The following PHF14 variants were observed in gnomAD, a reference collection of about 807,000 sequenced individuals.
The protein encoded by PHF14 is PHD finger protein 14.
Under a neutral mutation model 117.9 loss-of-function variants are expected in PHF14, and 55 were observed. That is an observed-to-expected ratio of 0.47 (90% confidence interval 0.38 to 0.58). PHF14 has a LOEUF of 0.58. PHF14 is among the 20% of genes least tolerant of loss of function. The pLI, the probability that PHF14 is intolerant of heterozygous loss-of-function variation, is 0.00. For synonymous variants in PHF14, 409 were observed against 368.6 expected, an observed-to-expected ratio of 1.11 and a Z score of -1.26; for missense variants, 978 against 1,122.2, an observed-to-expected ratio of 0.87 and a Z score of 1.84.
At chr7:11,044,422 G>A (rs1023852970) in intron 13 of PHF14, among the ~76,000 whole-genome samples, 2 of 152,236 alleles carry the variant, frequency 1.3e-5, no homozygotes, top group South Asian at 2.1e-4. Context: ...TTTCATTGTT[G>A]TTAGTGGTTT....
chr7:11,085,193 C>T (rs1786340607), intron 16 of PHF14, among the ~76,000 whole-genome samples: 1 of 152,192 alleles, frequency 6.6e-6, no homozygotes, highest in South Asian at 2.1e-4. Flanking sequence ...TACAGTTTTG[C>T]TTGACATGTT....
At chr7:11,139,293 A>G (rs938300885) in intron 17 of PHF14, among the ~76,000 whole-genome samples, 2 of 152,204 alleles carry the variant, frequency 1.3e-5, no homozygotes, top group Admixed American at 6.5e-5. Flanking sequence ...GCATTCATCT[A>G]TCTTTCACCA....
chr7:10,988,802 G>A (rs571189639), intron 3 of PHF14, among the ~76,000 whole-genome samples: 28 of 152,138 alleles, frequency 1.8e-4, no homozygotes, highest in Middle Eastern at 6.8e-3. Context: ...GCCATATATT[G>A]TTAATTCTTA....
rs114600074 is a variant in PHF14 at position 11,142,498 on chromosome 7, G to A, written c.2773-26918G>A. 5.3e-3 allele frequency among the ~76,000 whole-genome samples: 802 copies of A among 152,080 alleles called. 7 individuals are homozygous for A. Among genetic ancestry groups the A allele is most frequent in the African/African-American group, 0.019 (776 of 41,502 alleles). On this transcript the variant is annotated intron_variant, in intron 17 of 17. Transcript: ENST00000634607. ...AAATGCCTTATTCTGATATCATGTA[G>A]AAAACTATCTAAATCATTTCAGCCG... is the stretch of plus-strand genomic sequence containing the variant.
At chr7:11,055,496 A>G (rs528897159) in intron 14 of PHF14, among the ~76,000 whole-genome samples, 1 of 152,236 alleles carries the variant, frequency 6.6e-6, no homozygotes, top group Non-Finnish European at 1.5e-5. Context: ...TGTGTTTTAT[A>G]TATTTTCTTT....
intron 17 of PHF14, among the ~76,000 whole-genome samples, chr7:11,151,898 A>G (rs1022398839): frequency 6.6e-6 from 1 of 152,208 alleles, no homozygotes; most frequent in African/African-American, 2.4e-5. Context: ...GTTCCTCAGA[A>G]GCTGATCCTT....
intron 5 of PHF14, among the ~76,000 whole-genome samples, chr7:11,020,443 T>A: frequency 6.6e-6 from 1 of 152,014 alleles, no homozygotes; most frequent in Non-Finnish European, 1.5e-5. Context: ...AGTGGCATGA[T>A]CTTGGCTCAT....
intron 16 of PHF14, chr7:11,105,657 A>G (rs1435042836): frequency 4.1e-6 from 4 of 984,108 alleles, no homozygotes; most frequent in Non-Finnish European, 4.8e-6. Flanking sequence ...ACATAAAATT[A>G]AGGATTGTGA....
In PHF14 at chr7:11,014,747, T is replaced by C. The variant is rs138761507; in HGVS notation, c.1205+841T>C. ...GAAATGCTGAAGAAATTCTGTCCAT[T>C]ATTGCAGAGTAGGTATTGAAGCATG... On this transcript the variant is annotated intron_variant, in intron 5 of 17. Transcript: ENST00000634607. Among the ~76,000 whole-genome samples the C allele has an allele frequency of 3.2e-3, 485 of 152,300 alleles. 2 individuals carry two copies. The highest frequency in any genetic ancestry group is 7.5e-3 in the South Asian group (36 of 4,824).
At chr7:11,163,756 C>T (rs1249147717) in intron 17 of PHF14, among the ~76,000 whole-genome samples, 1 of 152,134 alleles carries the variant, frequency 6.6e-6, no homozygotes, top group Non-Finnish European at 1.5e-5. Flanking sequence ...CATTGTGCAG[C>T]ACTAGCATAT....
rs1378204485 is a variant in PHF14, at chr7:11,068,912, G to GT, written c.2654+6830dup. ...GTCTTTATTTTTTCTCACTGATGTA[G>GT]TTTCGACTTTAGGAATCTTGCATGT... On this transcript the variant is annotated intron_variant, in intron 16 of 17. Transcript: ENST00000634607. Among the ~76,000 whole-genome samples, 10 of 152,132 alleles carry GT rather than the reference G, an allele frequency of 6.6e-5. No homozygotes were observed. The East Asian group carries it at 1.5e-3, about 24-fold the overall frequency.
At position 11,002,396 on chromosome 7, in the gene PHF14, A is replaced by C. The variant is rs553100613; in HGVS notation, c.1046-11351A>C. On this transcript the variant is annotated intron_variant, in intron 4 of 17. Transcript: ENST00000634607. ...TGGTTCCTGGTATAAGGCAAATATC[A>C]GGTTGACAGTGAGGTTTCTAAAAAT... 2.1e-3 allele frequency among the ~76,000 whole-genome samples: 312 copies of C among 152,192 alleles called. 3 individuals carry two copies. The highest frequency in any genetic ancestry group is 7.0e-3 in the African/African-American group (291 of 41,526).
chr7:11,078,015 A>G (rs1785932132), intron 16 of PHF14, among the ~76,000 whole-genome samples: 1 of 152,202 alleles, frequency 6.6e-6, no homozygotes, highest in South Asian at 2.1e-4. Flanking sequence ...TTTTTCAAGT[A>G]TTAAAATGCC....
chr7:11,030,575 A>G (rs1784086395), intron 7 of PHF14, among the ~76,000 whole-genome samples: 1 of 152,170 alleles, frequency 6.6e-6, no homozygotes, highest in Admixed American at 6.5e-5. Context: ...AATGAAACTA[A>G]ACATAATATT....
chr7:11,059,608 T>A (rs1017649214), intron 14 of PHF14, among the ~76,000 whole-genome samples: 1 of 152,022 alleles, frequency 6.6e-6, no homozygotes, highest in African/African-American at 2.4e-5. Context: ...ACCCGTTCTC[T>A]AGTAAAAATG....
chr7:11,072,357 C>T (rs1301787781), intron 16 of PHF14, among the ~76,000 whole-genome samples: 2 of 152,186 alleles, frequency 1.3e-5, no homozygotes, highest in African/African-American at 4.8e-5. Context: ...CCCCGTGATC[C>T]AGTCACCTCC....
chr7:11,009,332 C>G (rs1183680575), intron 4 of PHF14, among the ~76,000 whole-genome samples: 1 of 152,104 alleles, frequency 6.6e-6, no homozygotes, highest in African/African-American at 2.4e-5. Context: ...TTGAATTATC[C>G]ATACCTTTGT....
intron 17 of PHF14, among the ~76,000 whole-genome samples, chr7:11,125,108 A>C (rs1787890786): frequency 6.6e-6 from 1 of 152,118 alleles, no homozygotes; most frequent in Admixed American, 6.5e-5. Flanking sequence ...TGGATGATTT[A>C]TGTAGACACA....
rs559691925 is a variant in PHF14, at chr7:11,061,668, T to C, written c.2482-123T>C. On this transcript the variant is annotated intron_variant, in intron 14 of 17. Transcript: ENST00000634607. ...CAATATAGTATTAATTAGAAATAAC[T>C]AATTTTGCAAGTGCCTAACCTAAGC... 3.6e-5 allele frequency: 22 copies of C among 613,922 alleles called. No homozygotes were observed. The African/African-American group carries it at 4.0e-4, about 11-fold the overall frequency. The allele number at this position is 613,922 out of a possible 1,614,324, so 38.0% of individuals were successfully genotyped here.
Sources: gnomAD v4.1 joint callset for allele counts (sites outside exome capture counted in the v4.1 genomes callset) on GRCh38, gnomAD v4.1.1 for gene constraint, MANE v1.5 for transcripts, NCBI Gene and HGNC (gene_info 2026-07-23, HGNC 2026-07-21) for gene names.